Variants in ESRRB observed in about 807,000 individuals in gnomAD.
ESRRB encodes estrogen related receptor beta, also known as steroid hormone receptor ERR2.
A neutral mutation model predicts 46.0 loss-of-function variants in ESRRB; 16 were observed. The ratio of observed to expected loss-of-function variants is 0.35; its 90% CI spans 0.24 to 0.53. ESRRB has a LOEUF of 0.53. Among genes scored for constraint, ESRRB ranks in the 20% least tolerant of loss-of-function variants. The pLI is 0.93. For synonymous variants in ESRRB, 246 were observed against 259.6 expected, an observed-to-expected ratio of 0.95 and a Z score of 0.50; for missense variants, 488 against 607.4, an observed-to-expected ratio of 0.80 and a Z score of 2.07.
upstream of ESRRB, among the ~76,000 whole-genome samples, chr14:76,369,198 A>G (rs1001456371): frequency 2.6e-5 from 4 of 151,798 alleles, no homozygotes; most frequent in Admixed American, 2.6e-4. Context: ...AAAGAAAAAA[A>G]AAAAAGCTGT....
chr14:76,441,865 G>A (rs1402041231), intron 2 of ESRRB, among the ~76,000 whole-genome samples: 1 of 152,114 alleles, frequency 6.6e-6, no homozygotes, highest in East Asian at 1.9e-4. Flanking sequence ...CCCTTTCCAG[G>A]GCCCTGCCTC....
chr14:76,385,917 C>T (rs1047643054), intron 1 of ESRRB, among the ~76,000 whole-genome samples: 1 of 152,086 alleles, frequency 6.6e-6, no homozygotes, highest in Non-Finnish European at 1.5e-5. Flanking sequence ...TAGTATCTAC[C>T]TCCCAGGGTT....
At chr14:76,467,362 G>A (rs528011578) in intron 3 of ESRRB, among the ~76,000 whole-genome samples, 38 of 151,908 alleles carry the variant, frequency 2.5e-4, no homozygotes, top group Non-Finnish European at 4.1e-4. Context: ...TTAGCTGGGC[G>A]TGGTGGCACG....
intron 3 of ESRRB, among the ~76,000 whole-genome samples, chr14:76,475,369 GAA>G (rs34977404): frequency 4.6e-5 from 6 of 130,674 alleles, no homozygotes; most frequent in Admixed American, 1.6e-4. Context: ...ACCTTGCCTC[GAA>G]AAAAAAAAAA....
intron 1 of ESRRB, among the ~76,000 whole-genome samples, chr14:76,409,804 G>A (rs1332652437): frequency 1.3e-5 from 2 of 152,138 alleles, no homozygotes; most frequent in African/African-American, 4.8e-5. Flanking sequence ...GAGATGGTGG[G>A]AAGGCTGAGG....
At chr14:76,413,162 C>T (rs917637594) in intron 1 of ESRRB, among the ~76,000 whole-genome samples, 4 of 152,156 alleles carry the variant, frequency 2.6e-5, no homozygotes, top group South Asian at 2.1e-4. Context: ...AAGAGCTGGG[C>T]GCAGGCAGTC....
intron 1 of ESRRB, among the ~76,000 whole-genome samples, chr14:76,415,770 G>A (rs1475357265): frequency 1.3e-5 from 2 of 152,198 alleles, no homozygotes; most frequent in Non-Finnish European, 2.9e-5. Flanking sequence ...GCCTCCCAAA[G>A]TGCCGGGATT....
chr14:76,494,639 A>T (rs1457823495), intron 6 of ESRRB, among the ~76,000 whole-genome samples: 1 of 152,120 alleles, frequency 6.6e-6, no homozygotes, highest in Non-Finnish European at 1.5e-5. Flanking sequence ...GGTTTTGACA[A>T]ATGCATAATG....
intron 1 of ESRRB, among the ~76,000 whole-genome samples, chr14:76,406,615 G>C (rs1027362827): frequency 5.9e-5 from 9 of 152,120 alleles, no homozygotes; most frequent in Non-Finnish European, 1.0e-4. Flanking sequence ...TATGATGGCA[G>C]GCACCTGTAA....
chr14:76,382,711 TTG>T (rs1456280547), intron 1 of ESRRB, among the ~76,000 whole-genome samples: 2 of 152,154 alleles, frequency 1.3e-5, no homozygotes, highest in Non-Finnish European at 2.9e-5. Flanking sequence ...AAATTCAGAA[TTG>T]TCTGAGTTTG....
intron 2 of ESRRB, among the ~76,000 whole-genome samples, chr14:76,454,296 C>T (rs943197679): frequency 6.6e-6 from 1 of 152,078 alleles, no homozygotes; most frequent in Non-Finnish European, 1.5e-5. Context: ...TAATCGATTT[C>T]CAGGATTGAG....
intron 3 of ESRRB, among the ~76,000 whole-genome samples, chr14:76,466,882 C>A (rs1009112979): frequency 1.3e-5 from 2 of 152,034 alleles, no homozygotes; most frequent in Admixed American, 1.3e-4. Context: ...CAACACCACG[C>A]CCAGCTAATT....
chr14:76,329,339 G>T (rs1232229998), intron 1 of ESRRB, among the ~76,000 whole-genome samples: 3 of 152,104 alleles, frequency 2.0e-5, no homozygotes, highest in East Asian at 1.9e-4. Flanking sequence ...GGGCCAGCAG[G>T]TTCTCTCTGT....
chr14:76,399,089 C>G (rs1885824066), intron 1 of ESRRB, among the ~76,000 whole-genome samples: 1 of 152,086 alleles, frequency 6.6e-6, no homozygotes, highest in Non-Finnish European at 1.5e-5. Flanking sequence ...TGCAGCCTGC[C>G]TTTTTTGCAG....
intron 1 of ESRRB, among the ~76,000 whole-genome samples, chr14:76,411,630 G>GGTGGCAGCACGTGCTGCAAATTGT (rs1886447096): frequency 6.6e-6 from 1 of 152,106 alleles, no homozygotes; most frequent in African/African-American, 2.4e-5. Flanking sequence ...GGAGGATGCT[G>GGTGGCAGCACGTGCTGCAAATTGT]GTGGCAGCAC....
intron 5 of ESRRB, among the ~76,000 whole-genome samples, chr14:76,484,297 C>T (rs1889919530): frequency 6.6e-6 from 1 of 152,192 alleles, no homozygotes; most frequent in Admixed American, 6.5e-5. Context: ...GCAGGGACTG[C>T]CTGGTGGCCC....
chr14:76,394,373 C>T (rs1012570647), intron 1 of ESRRB, among the ~76,000 whole-genome samples: 1 of 152,170 alleles, frequency 6.6e-6, no homozygotes, highest in Non-Finnish European at 1.5e-5. Context: ...CACTATGAGC[C>T]AGGCGCTGTG....
intron 1 of ESRRB, among the ~76,000 whole-genome samples, chr14:76,394,336 A>G (rs1035423434): frequency 1.3e-5 from 2 of 152,162 alleles, no homozygotes; most frequent in Non-Finnish European, 2.9e-5. Context: ...CGACAATAGT[A>G]ATATTTGCTA....
Position 76,481,876 on chromosome 14 carries a change from G to A in ESRRB, c.578-140G>A, listed in dbSNP as rs1256177219. ...AGGATTGTCCAGCCACCTGGCCTGA[G>A]GCTGGCCGTGGGGCAGCTGTCGAAG... On this transcript the variant is annotated intron_variant, in intron 3 of 6. Transcript: ENST00000644823. 22 of 767,112 alleles carry A rather than the reference G, an allele frequency of 2.9e-5. No homozygotes were observed. The Middle Eastern group carries it at 6.7e-4, about 24-fold the overall frequency. 47.5% of individuals were successfully genotyped at this position (767,112 alleles called of 1,614,324 possible). A position where few individuals can be genotyped will look rare whatever the true frequency, so the allele number is the denominator to read the frequency against.
Sources: allele counts gnomAD v4.1 joint callset (sites outside exome capture counted in the v4.1 genomes callset), GRCh38; gene constraint gnomAD v4.1.1; transcripts MANE v1.5; gene names NCBI Gene and HGNC (gene_info 2026-07-23, HGNC 2026-07-21).